Variants in RC3H1 observed in about 807,000 individuals in gnomAD.
The protein encoded by RC3H1 is roquin-1.
A neutral mutation model predicts 138.2 loss-of-function variants in RC3H1; 50 were observed. The observed-to-expected ratio is 0.36, with a 90% CI of 0.29 to 0.46. The LOEUF is 0.46. Ranked by LOEUF, RC3H1 falls within the 20% of genes least tolerant of loss-of-function variation. The pLI, the probability that RC3H1 is intolerant of heterozygous loss-of-function variation, is 1.00. For synonymous variants in RC3H1, 462 were observed against 489.1 expected, an observed-to-expected ratio of 0.94 and a Z score of 0.73; for missense variants, 1,031 against 1,388.1, an observed-to-expected ratio of 0.74 and a Z score of 4.09.
Position 173,961,782 on chromosome 1 carries a change from G to A in RC3H1, c.2145C>T (p.Ile715=), listed in dbSNP as rs370201691. Residue 715 remains isoleucine, a synonymous_variant, in exon 12 of 20, where the codon ATC becomes ATT. Transcript: ENST00000367696. ...GAGGAGCCACTGGATAGTAACTCTC[G>A]ATCTGTTGGTATCTTTCTCTGGATT... The part of the protein sequence containing the change: ...VPESRERYQQ[I]ESYYPVAPHP... 12 of 1,612,984 alleles carry A rather than the reference G, an allele frequency of 7.4e-6. No individual in the cohort carries two copies. The highest frequency in any genetic ancestry group is 5.0e-5 in the Admixed American group (3 of 59,996).
rs983316443 is a variant in RC3H1 at position 173,931,473 on chromosome 1, A to C, written c.*7248T>G. ...TATAAACATGCACACAAATAATACAAAATTGAGAAAGATGGCCCTAGTACT... is the reference window on the plus strand; with the variant it reads ...TATAAACATGCACACAAATAATACACAATTGAGAAAGATGGCCCTAGTACT... On this transcript the variant is annotated 3_prime_UTR_variant, in exon 20 of 20. Coordinates refer to ENST00000367696, the MANE Select transcript of RC3H1 (RefSeq NM_172071.4). 3 of 152,184 alleles carry C rather than the reference A, an allele frequency of 2.0e-5. No individual in the cohort carries two copies. The highest frequency in any genetic ancestry group is 7.2e-5 in the African/African-American group (3 of 41,440). 9.4% of individuals were successfully genotyped at this position (152,184 alleles called of 1,614,324 possible).
chr1:174,004,043 ATATAT>A (rs1047912026), intron 1 of RC3H1, among the ~76,000 whole-genome samples: 1 of 147,792 alleles, frequency 6.8e-6, no homozygotes, highest in African/African-American at 2.5e-5. Context: ...ATTATTTTAT[ATATAT>A]GATATATTAT....
Position 174,022,166 on chromosome 1 carries a change from C to T in RC3H1, c.-221G>A. The T allele has an allele frequency of 2.5e-6, 1 of 395,236 alleles. No homozygotes were observed. Among genetic ancestry groups the T allele is most frequent in the Non-Finnish European group, 4.5e-6 (1 of 224,278 alleles). The allele number at this position is 395,236 out of a possible 1,614,324, so 24.5% of individuals were successfully genotyped here. On this transcript the variant is annotated 5_prime_UTR_variant, in exon 1 of 20. Transcript: ENST00000367696. The surrounding 1 kb of genome is among the most constrained non-coding windows in gnomAD (Gnocchi z 4.2). ...GCCGTCGCCACCGCCGCGGCAGCCGCCGCCGCCGCCGAGGCCACCGTTGAC... is the reference window on the plus strand; with the variant it reads ...GCCGTCGCCACCGCCGCGGCAGCCGTCGCCGCCGCCGAGGCCACCGTTGAC...
Position 173,941,098 on chromosome 1 carries a change from C to T in RC3H1, c.3251+167G>A, listed in dbSNP as rs543677869. ...GCTTCCCAAAATGCTGGATTACAGG[C>T]GTGAGCCACTGCGCCCGGCCGCAAA... On this transcript the variant is annotated intron_variant, in intron 19 of 19. Coordinates refer to ENST00000367696, the MANE Select transcript of RC3H1 (RefSeq NM_172071.4). Among the ~76,000 whole-genome samples, 16 of 152,218 alleles carry T rather than the reference C, an allele frequency of 1.1e-4. No homozygotes were observed. In the South Asian group the frequency reaches 1.7e-3, roughly 16 times the overall value.
rs34109946 is a variant in RC3H1, at chr1:174,004,658, A to C, written c.-150-11523T>G. Among the ~76,000 whole-genome samples, 1,250 of 151,998 alleles carry C rather than the reference A, an allele frequency of 8.2e-3. 15 individuals carry two copies. Among genetic ancestry groups the C allele is most frequent in the African/African-American group, 0.028 (1,153 of 41,454 alleles). On this transcript the variant is annotated intron_variant, in intron 1 of 19. Transcript: ENST00000367696. ...CCATCTCTACTAAAAATACAAAAAA[A>C]AAAAAAAAAATTAGCTGGGCATAGT...
chr1:174,004,802 G>A (rs755482033), intron 1 of RC3H1, among the ~76,000 whole-genome samples: 10 of 151,896 alleles, frequency 6.6e-5, no homozygotes, highest in Non-Finnish European at 1.3e-4. Context: ...AAAGTCTATC[G>A]GGCTAATGGG....
intron 17 of RC3H1, 64 bp from the exon 18 acceptor site, chr1:173,943,679 G>C: frequency 3.4e-6 from 5 of 1,479,818 alleles, no homozygotes; most frequent in Admixed American, 2.1e-5. Flanking sequence ...AGAATAACCA[G>C]GCTCAATTCC....
At chr1:173,964,744 G>T (rs765478564) in intron 10 of RC3H1, 95 bp downstream of exon 10, 34 of 942,240 alleles carry the variant, frequency 3.6e-5, no homozygotes, top group Non-Finnish European at 4.9e-5. Context: ...AATAATCAGG[G>T]TTTTTTTTTT....
At chr1:173,962,945 CA>C (rs1387386794) in intron 11 of RC3H1, among the ~76,000 whole-genome samples, 1 of 152,024 alleles carries the variant, frequency 6.6e-6, no homozygotes, top group Non-Finnish European at 1.5e-5. Context: ...CAACATGATT[CA>C]AAATTAAATG....
At chr1:173,993,188 T>G in intron 1 of RC3H1, 53 bp from the exon 2 acceptor site, 1 of 557,140 alleles carries the variant, frequency 1.8e-6, no homozygotes, top group Non-Finnish European at 3.2e-6. Flanking sequence ...TCAATTAAAC[T>G]GTTGAAAAAG....
chr1:173,964,399 G>A (rs942129800), intron 10 of RC3H1, among the ~76,000 whole-genome samples: 18 of 151,070 alleles, frequency 1.2e-4, no homozygotes, highest in African/African-American at 2.9e-4. Context: ...TTGCTCTGTC[G>A]CTCTGTCACC....
At chr1:173,994,003 A>ATGAGATG (rs1203476449) in intron 1 of RC3H1, among the ~76,000 whole-genome samples, 1 of 142,668 alleles carries the variant, frequency 7.0e-6, no homozygotes, top group Non-Finnish European at 1.5e-5. Flanking sequence ...CTGGGGAACA[A>ATGAGATG]GAGTGAAACT....
intron 14 of RC3H1, among the ~76,000 whole-genome samples, 197 bp from the exon 15 acceptor site, chr1:173,947,779 G>C (rs921962699): frequency 2.6e-5 from 4 of 152,048 alleles, no homozygotes; most frequent in Non-Finnish European, 5.9e-5. Context: ...GTCTCACACC[G>C]TGGCCCAGGC....
At chr1:173,977,057 G>A (rs10912710) in intron 7 of RC3H1, among the ~76,000 whole-genome samples, 43,865 of 151,822 alleles carry the variant, frequency 0.29, 11,345 homozygotes, top group African/African-American at 0.7. Flanking sequence ...CGAGTAGCTG[G>A]GACTACAGGC....
intron 1 of RC3H1, among the ~76,000 whole-genome samples, chr1:174,002,759 C>T (rs1474685099): frequency 6.6e-6 from 1 of 152,174 alleles, no homozygotes; most frequent in African/African-American, 2.4e-5. Context: ...TTCTATACAA[C>T]ATACTGTCCA....
chr1:173,945,445 GT>G (rs1301327402), intron 17 of RC3H1, among the ~76,000 whole-genome samples: 1 of 152,042 alleles, frequency 6.6e-6, no homozygotes, highest in East Asian at 1.9e-4. Flanking sequence ...AAATTCTTTA[GT>G]TTTGTTTTTC....
Position 174,022,204 on chromosome 1 carries a change from C to T in RC3H1, c.-259G>A. 2.5e-6 allele frequency: 1 copy of T among 394,928 alleles called. No homozygotes were observed. Among genetic ancestry groups the T allele is most frequent in the Non-Finnish European group, 4.5e-6 (1 of 224,404 alleles). 24.5% of individuals were successfully genotyped at this position (394,928 alleles called of 1,614,324 possible). On this transcript the variant is annotated 5_prime_UTR_variant, in exon 1 of 20. Coordinates refer to ENST00000367696, the MANE Select transcript of RC3H1 (RefSeq NM_172071.4). The surrounding 1 kb of genome is among the most constrained non-coding windows in gnomAD (Gnocchi z 4.2). Reference sequence around the variant, plus strand: ...GGCCACCGTTGACTCTGATTCTGTCCCAGGCCGCCGGGCCACGGCTGCCGC... The same window carrying T: ...GGCCACCGTTGACTCTGATTCTGTCTCAGGCCGCCGGGCCACGGCTGCCGC...
intron 7 of RC3H1, among the ~76,000 whole-genome samples, chr1:173,977,514 A>G (rs1163538999): frequency 6.6e-6 from 1 of 152,228 alleles, no homozygotes; most frequent in East Asian, 1.9e-4. Context: ...AGGAAGAGCA[A>G]GTATCAAGAA....
intron 1 of RC3H1, among the ~76,000 whole-genome samples, chr1:174,017,783 C>CCAAAAAAAAA (rs1165317766): frequency 8.3e-5 from 6 of 72,034 alleles, no homozygotes; most frequent in African/African-American, 3.4e-4. Context: ...TTTTCTTGCT[C>CCAAAAAAAAA]AAAAAAAAAA....
Sources: gnomAD v4.1 joint callset for allele counts (sites outside exome capture counted in the v4.1 genomes callset) on GRCh38, gnomAD v4.1.1 for gene constraint, Gnocchi (gnomAD v3.1) non-coding constraint, MANE v1.5 for transcripts, NCBI Gene and HGNC (gene_info 2026-07-23, HGNC 2026-07-21) for gene names.